TASOR2: variants seen among roughly 807,000 people sequenced by gnomAD.
TASOR2 encodes the protein protein TASOR 2.
In TASOR2, 84 loss-of-function variants were observed where a neutral mutation model predicts 199.5. The ratio of observed to expected loss-of-function variants is 0.42; its 90% CI spans 0.35 to 0.50. TASOR2 has a LOEUF of 0.50. TASOR2 is among the 20% of genes least tolerant of loss of function. TASOR2 has a pLI of 0.02. For synonymous variants in TASOR2, 1,103 were observed against 1,046.6 expected, an observed-to-expected ratio of 1.05 and a Z score of -1.04; for missense variants, 2,796 against 2,835.9, an observed-to-expected ratio of 0.99 and a Z score of 0.32.
rs1321305910 is a variant in TASOR2 at position 5,748,984 on chromosome 10, T to A, written c.5563T>A (p.Tyr1855Asn). The A allele has an allele frequency of 6.2e-7, 1 of 1,614,100 alleles. No homozygotes were observed. Among genetic ancestry groups the A allele is most frequent in the Admixed American group, 1.7e-5 (1 of 59,998 alleles). Residue 1855 changes from tyrosine to asparagine, a missense_variant, in exon 15 of 21, where the codon TAC (tyrosine) becomes AAC (asparagine). Tyr to Asn is a moderately radical substitution (Grantham distance 143). Coordinates refer to ENST00000328090, the Ensembl canonical transcript of TASOR2. This position sits in a 1 kb window ranked among gnomAD's most constrained non-coding sequence, Gnocchi z 5.1. Reference sequence around the variant, plus strand: ...GGATTCTTATACTTTAAGAGGTAGTTACACCAGGAAAAAAGATGTTCCCAC... The same window carrying A: ...GGATTCTTATACTTTAAGAGGTAGTAACACCAGGAAAAAAGATGTTCCCAC...
rs2131520499 is a variant in TASOR2, at chr10:5,701,787, A to G, written c.-287-11036A>G. Among the ~76,000 whole-genome samples the G allele has an allele frequency of 6.6e-6, 1 of 152,304 alleles. No individual in the cohort carries two copies. Among genetic ancestry groups the G allele is most frequent in the African/African-American group, 2.4e-5 (1 of 41,572 alleles). On this transcript the variant is annotated intron_variant, in intron 1 of 20. Transcript: ENST00000328090. The surrounding 1 kb of genome is among the most constrained non-coding windows in gnomAD (Gnocchi z 4.9). ...CTTGCAGTTGGTGTATACCAACGCT[A>G]CCGATTTTTGTATGTTGATTTTGTA...
intron 1 of TASOR2, chr10:5,712,561 A>T: frequency 3.2e-6 from 4 of 1,231,320 alleles, no homozygotes; most frequent in Non-Finnish European, 3.0e-6. Flanking sequence ...GGTACACACT[A>T]TGATGGTTTT....
At position 5,752,130 on chromosome 10, in the gene TASOR2, G is replaced by C. The variant is rs542695805; in HGVS notation, c.6606+2103G>C. 3.3e-5 allele frequency among the ~76,000 whole-genome samples: 5 copies of C among 152,272 alleles called. No homozygotes were observed. The East Asian group carries it at 9.7e-4, about 29-fold the overall frequency. On this transcript the variant is annotated intron_variant, in intron 15 of 20. Transcript: ENST00000328090. The surrounding 1 kb of genome is among the most constrained non-coding windows in gnomAD (Gnocchi z 4.4). ...CCCTTGCAGCAGAAAGCTCCATTCA[G>C]ATGTCAGCAGTCCTGTTTAGTATCT...
intron 7 of TASOR2, among the ~76,000 whole-genome samples, chr10:5,724,088 G>A (rs2131579564): frequency 6.6e-6 from 1 of 152,246 alleles, no homozygotes; most frequent in African/African-American, 2.4e-5. Context: ...GTTTTTGTTG[G>A]TTTTATTTAT....
chr10:5,697,722 G>C (rs1837330408), intron 1 of TASOR2, among the ~76,000 whole-genome samples: 1 of 152,066 alleles, frequency 6.6e-6, no homozygotes, highest in East Asian at 1.9e-4. Flanking sequence ...TTTAGGAACA[G>C]AGGGAACCCT....
intron 1 of TASOR2, among the ~76,000 whole-genome samples, chr10:5,704,340 A>G (rs1467342010): frequency 1.3e-5 from 2 of 152,238 alleles, no homozygotes; most frequent in East Asian, 3.9e-4. Context: ...TAATAGTTGT[A>G]GGTATATTCT....
chr10:5,751,204 AAT>A lies in TASOR2; in HGVS notation c.6606+1179_6606+1180del, dbSNP rs1837985609. Reference sequence around the variant, plus strand: ...AGTGTAAAGTTATGTTGAACTTAGTAATAAGTTGGGAGCTAACTTGAGACTGT... The same window carrying A: ...AGTGTAAAGTTATGTTGAACTTAGTAAAGTTGGGAGCTAACTTGAGACTGT... On this transcript the variant is annotated intron_variant, in intron 15 of 20. Coordinates refer to ENST00000328090, the Ensembl canonical transcript of TASOR2. The surrounding 1 kb of genome is among the most constrained non-coding windows in gnomAD (Gnocchi z 5.3). Among the ~76,000 whole-genome samples the A allele has an allele frequency of 6.6e-6, 1 of 152,230 alleles. No homozygotes were observed. The highest frequency in any genetic ancestry group is 2.1e-4 in the South Asian group (1 of 4,832).
Position 5,698,871 on chromosome 10 carries a change from A to G in TASOR2, c.-288+13696A>G, listed in dbSNP as rs995095798. Among the ~76,000 whole-genome samples the G allele has an allele frequency of 7.2e-5, 11 of 152,230 alleles. No individual in the cohort carries two copies. Among genetic ancestry groups the G allele is most frequent in the African/African-American group, 2.4e-4 (10 of 41,466 alleles). On this transcript the variant is annotated intron_variant, in intron 1 of 20. Transcript: ENST00000328090. This position sits in a 1 kb window ranked among gnomAD's most constrained non-coding sequence, Gnocchi z 4.4. ...CTGTGAAAAAATTGGAACCTTCTGTATACTGCTGGTGGGAATATAAAATGG... is the reference window on the plus strand; with the variant it reads ...CTGTGAAAAAATTGGAACCTTCTGTGTACTGCTGGTGGGAATATAAAATGG...
rs762893402 is a variant in TASOR2, at chr10:5,754,161, C to T, written c.6607-2452C>T. On this transcript the variant is annotated intron_variant, in intron 15 of 20. Coordinates refer to ENST00000328090, the Ensembl canonical transcript of TASOR2. The surrounding 1 kb of genome is among the most constrained non-coding windows in gnomAD (Gnocchi z 4.3). Reference sequence around the variant, plus strand: ...CTCTACTAAAAATAAAAAAATTAGCCGGGTGTGGCGGCGCGCGCTTGTGGT... The same window carrying T: ...CTCTACTAAAAATAAAAAAATTAGCTGGGTGTGGCGGCGCGCGCTTGTGGT... Among the ~76,000 whole-genome samples the T allele has an allele frequency of 6.6e-6, 1 of 151,920 alleles. No individual in the cohort carries two copies. Among genetic ancestry groups the T allele is most frequent in the Non-Finnish European group, 1.5e-5 (1 of 67,994 alleles).
In TASOR2 at chr10:5,750,811, C is replaced by G. The variant is rs1837931211; in HGVS notation, c.6606+784C>G. Among the ~76,000 whole-genome samples the G allele has an allele frequency of 6.6e-6, 1 of 152,170 alleles. No individual in the cohort carries two copies. Among genetic ancestry groups the G allele is most frequent in the Admixed American group, 6.5e-5 (1 of 15,274 alleles). Reference sequence around the variant, plus strand: ...TCATCTTTTTAACCACAGAACAACCCTGTGCATCAGGAAGTTCATATAATA... The same window carrying G: ...TCATCTTTTTAACCACAGAACAACCGTGTGCATCAGGAAGTTCATATAATA... On this transcript the variant is annotated intron_variant, in intron 15 of 20. Coordinates refer to ENST00000328090, the Ensembl canonical transcript of TASOR2. The surrounding 1 kb of genome is among the most constrained non-coding windows in gnomAD (Gnocchi z 5.4).
chr10:5,735,488 G>A (rs768180692), exon 12 of TASOR2: 3 of 1,613,964 alleles, frequency 1.9e-6, no homozygotes, highest in African/African-American at 1.3e-5. Flanking sequence ...CACAAAAACA[G>A]AGAGTAAATA....
At position 5,749,422 on chromosome 10, in the gene TASOR2, T is replaced by C. The variant is rs778555441; in HGVS notation, c.6001T>C (p.Ser2001Pro). The change falls in exon 15 of 21, where the codon TCT becomes CCT. Residue 2001 changes from serine (S) to proline (P), a missense_variant. Around this residue, in one of 3 missense-constraint regions of TASOR2, gnomAD observed 1,941 missense variants for 1,924.9 expected, o/e 1.01. Transcript: ENST00000328090. ...TGGGGATTCTCAGCATTCTGCCTCCTCTGCCAATGTCTTTCCAAAGGAGTC... is the reference window on the plus strand; with the variant it reads ...TGGGGATTCTCAGCATTCTGCCTCCCCTGCCAATGTCTTTCCAAAGGAGTC... 11 of 1,614,134 alleles carry C rather than the reference T, an allele frequency of 6.8e-6. No individual in the cohort carries two copies. In the African/African-American group the frequency reaches 1.5e-4, roughly 22 times the overall value.
chr10:5,750,680 A>G lies in TASOR2; in HGVS notation c.6606+653A>G, dbSNP rs1837911063. 6.6e-6 allele frequency among the ~76,000 whole-genome samples: 1 copy of G among 152,198 alleles called. No homozygotes were observed. The highest frequency in any genetic ancestry group is 2.1e-4 in the South Asian group (1 of 4,820). On this transcript the variant is annotated intron_variant, in intron 15 of 20. Transcript: ENST00000328090. This position sits in a 1 kb window ranked among gnomAD's most constrained non-coding sequence, Gnocchi z 5.4. ...GTTGCAGAAATAGTACCCTTTACCC[A>G]GATACCCCAATATTAACATTTCTGA...
rs200048996 is a variant in TASOR2 at position 5,756,594 on chromosome 10, C to G, written c.6607-19C>G. The G allele has an allele frequency of 1.3e-4, 215 of 1,606,424 alleles. 4 individuals are homozygous for G. The East Asian group carries it at 4.8e-3, about 36-fold the overall frequency. ...GGAAGTACCCTTTTTTTAATAATGG[C>G]TATTTGTAAATCTTTCAGAACCTTC... On this transcript the variant is annotated intron_variant, in intron 15 of 20. Coordinates refer to ENST00000328090, the Ensembl canonical transcript of TASOR2.
intron 11 of TASOR2, among the ~76,000 whole-genome samples, chr10:5,733,504 AAAAG>A (rs1835136128): frequency 2.0e-5 from 3 of 152,246 alleles, no homozygotes; most frequent in Admixed American, 6.5e-5. Flanking sequence ...ATCTCAAAAA[AAAAG>A]AAAGAATTCT....
In TASOR2 at chr10:5,752,424, C is replaced by T. The variant is rs963556546; in HGVS notation, c.6606+2397C>T. On this transcript the variant is annotated intron_variant, in intron 15 of 20. Transcript: ENST00000328090. This position sits in a 1 kb window ranked among gnomAD's most constrained non-coding sequence, Gnocchi z 4.4. ...GTGCAAAACTGGACGTGCCGTGTGT[C>T]GGTTCCACACATGAGGGGCCTGCAG... is the stretch of plus-strand genomic sequence containing the variant. Among the ~76,000 whole-genome samples, 2 of 151,952 alleles carry T rather than the reference C, an allele frequency of 1.3e-5. No individual in the cohort carries two copies. Among genetic ancestry groups the T allele is most frequent in the East Asian group, 1.9e-4 (1 of 5,182 alleles).
At position 5,727,198 on chromosome 10, in the gene TASOR2, A is replaced by G. The variant is rs1834158265; in HGVS notation, c.487+75A>G. On this transcript the variant is annotated intron_variant, in intron 10 of 20. Coordinates refer to ENST00000328090, the Ensembl canonical transcript of TASOR2. ...TCCTCATCTGACTTGACCTCTCAGC[A>G]GCACGTGACACTGTTGACTGTTTTT... 12 of 1,470,566 alleles carry G rather than the reference A, an allele frequency of 8.2e-6. No homozygotes were observed. The South Asian group carries it at 1.3e-4, about 15-fold the overall frequency. 91.1% of individuals were successfully genotyped at this position (1,470,566 alleles called of 1,614,324 possible). A position where few individuals can be genotyped will look rare whatever the true frequency, so the allele number is the denominator to read the frequency against.
chr10:5,716,404 T>C (rs1220028060), intron 2 of TASOR2, among the ~76,000 whole-genome samples: 1 of 152,172 alleles, frequency 6.6e-6, no homozygotes, highest in East Asian at 1.9e-4. Context: ...CACTGGGTCA[T>C]ATGATAACTA....
In TASOR2 at chr10:5,742,457, A is replaced by C. The variant is rs199550281; in HGVS notation, c.2688A>C (p.Lys896Asn). The C allele has an allele frequency of 1.5e-5, 25 of 1,614,122 alleles. No homozygotes were observed. Among genetic ancestry groups the C allele is most frequent in the Non-Finnish European group, 2.1e-5 (25 of 1,180,010 alleles). ...TCTGTGTACAAAATGAACAGAAAAAAACTTTTGCAAGAGAGTGTGATCCAG... is the reference window on the plus strand; with the variant it reads ...TCTGTGTACAAAATGAACAGAAAAACACTTTTGCAAGAGAGTGTGATCCAG... Residue 896 changes from lysine (K) to asparagine (N), a missense_variant, in exon 14 of 21, where the codon AAA becomes AAC. Lys to Asn is a moderately conservative substitution (Grantham distance 94, BLOSUM62 0). This residue lies in a region of TASOR2 where 1,941 missense variants were observed against 1,924.9 expected (regional missense o/e 1.01). Coordinates refer to ENST00000328090, the Ensembl canonical transcript of TASOR2. The surrounding 1 kb of genome is among the most constrained non-coding windows in gnomAD (Gnocchi z 4.2).
Sources: allele counts gnomAD v4.1 joint callset (sites outside exome capture counted in the v4.1 genomes callset), GRCh38; gene constraint gnomAD v4.1.1; regional missense constraint gnomAD v4.1.1; non-coding constraint Gnocchi (gnomAD v3.1); transcripts MANE v1.5; gene names NCBI Gene and HGNC (gene_info 2026-07-23, HGNC 2026-07-21).